The following COL21A1 variants were observed in gnomAD, a reference collection of about 807,000 sequenced individuals.
The protein encoded by COL21A1 is collagen alpha-1(XXI) chain.
A neutral mutation model predicts 137.9 loss-of-function variants in COL21A1; 149 were observed. That is an observed-to-expected ratio of 1.08 (90% CI 0.95 to 1.24). The LOEUF (loss-of-function observed/expected upper bound fraction) is 1.24. COL21A1 is among the 50% of genes most tolerant of loss of function. The pLI is 0.00. For missense variants in COL21A1, 1,167 were observed against 1,158.4 expected, an observed-to-expected ratio of 1.01 and a Z score of -0.11; for synonymous variants, 456 against 391.5, an observed-to-expected ratio of 1.16 and a Z score of -1.95.
chr6:56,359,581 C>T (rs1485989666), intron 1 of COL21A1, among the ~76,000 whole-genome samples: 1 of 152,132 alleles, frequency 6.6e-6, no homozygotes, highest in African/African-American at 2.4e-5. Flanking sequence ...ATGAGGCAAT[C>T]GGACATCTGT....
Position 56,175,408 on chromosome 6 carries a change from T to C in COL21A1, c.640+4170A>G, listed in dbSNP as rs148374856. 2.9e-3 allele frequency among the ~76,000 whole-genome samples: 445 copies of C among 151,806 alleles called. 5 individuals carry two copies. The highest frequency in any genetic ancestry group is 0.014 in the Middle Eastern group (4 of 290). On this transcript the variant is annotated intron_variant, in intron 3 of 29. Transcript: ENST00000244728. ...TAATGATTATACATAAAAGACTCCA[T>C]GCCAAAAAAAATGGTTAGAAGAAAC...
At chr6:56,292,865 T>G (rs1191795585) in intron 1 of COL21A1, among the ~76,000 whole-genome samples, 1 of 152,238 alleles carries the variant, frequency 6.6e-6, no homozygotes, top group Non-Finnish European at 1.5e-5. Flanking sequence ...TTAAGCATAA[T>G]TATTCCTGAA....
chr6:56,276,909 G>A (rs1056341780), intron 1 of COL21A1: 2 of 432,572 alleles, frequency 4.6e-6, no homozygotes, highest in African/African-American at 2.1e-5. Flanking sequence ...CCGGGTTCAC[G>A]CCATTCTACT....
In COL21A1 at chr6:56,067,289, A is replaced by G; in HGVS notation, c.2127+6T>C. 6.2e-7 allele frequency: 1 copy of G among 1,607,962 alleles called. No homozygotes were observed. Among genetic ancestry groups the G allele is most frequent in the Non-Finnish European group, 8.5e-7 (1 of 1,176,036 alleles). On this transcript the variant is annotated splice_donor_region_variant and intron_variant, in intron 23 of 29. Transcript: ENST00000244728. ...TCAGCCTACTAAAAAAAAGCAAACAACATACCTGAATACCTTTTTCACCTT... is the reference window on the plus strand; with the variant it reads ...TCAGCCTACTAAAAAAAAGCAAACAGCATACCTGAATACCTTTTTCACCTT...
chr6:56,078,483 C>A (rs1016545173), intron 17 of COL21A1, among the ~76,000 whole-genome samples: 1 of 151,522 alleles, frequency 6.6e-6, no homozygotes, highest in African/African-American at 2.4e-5. Flanking sequence ...CTTTGCAAAC[C>A]CTCTGCACTA....
chr6:56,168,784 C>T (rs1776798861), intron 5 of COL21A1, among the ~76,000 whole-genome samples: 1 of 151,858 alleles, frequency 6.6e-6, no homozygotes. Context: ...TTAATGAGGG[C>T]ATTACTCATA....
rs558228582 is a variant in COL21A1, at chr6:56,081,298, C to T, written c.1813-3725G>A. 4.0e-5 allele frequency among the ~76,000 whole-genome samples: 6 copies of T among 149,820 alleles called. No homozygotes were observed. The East Asian group carries it at 1.2e-3, about 30-fold the overall frequency. ...ACCTTGCCTTTCCCTACTTGCATTT[C>T]CAAAAATGTCCATTATATGTAGGAT... On this transcript the variant is annotated intron_variant, in intron 17 of 29. Coordinates refer to ENST00000244728, the MANE Select transcript of COL21A1 (RefSeq NM_030820.4).
At chr6:56,222,897 T>A (rs1325806586) in intron 1 of COL21A1, among the ~76,000 whole-genome samples, 1 of 152,120 alleles carries the variant, frequency 6.6e-6, no homozygotes, top group Non-Finnish European at 1.5e-5. Context: ...GGTGAGTGGA[T>A]TAATCTATGT....
intron 1 of COL21A1, among the ~76,000 whole-genome samples, chr6:56,226,627 C>T (rs1781211463): frequency 6.6e-6 from 1 of 151,980 alleles, no homozygotes; most frequent in African/African-American, 2.4e-5. Flanking sequence ...TTGAGTCACA[C>T]TGTGAAACCC....
intron 16 of COL21A1, among the ~76,000 whole-genome samples, chr6:56,121,802 C>T (rs1370231445): frequency 6.6e-6 from 1 of 151,578 alleles, no homozygotes; most frequent in African/African-American, 2.4e-5. Context: ...AAACCTAAAA[C>T]TGTTGTTAAA....
intron 1 of COL21A1, among the ~76,000 whole-genome samples, chr6:56,254,219 A>G (rs889710420): frequency 6.6e-6 from 1 of 152,212 alleles, no homozygotes; most frequent in Non-Finnish European, 1.5e-5. Context: ...TAGCTAAGAG[A>G]TGATTTCCTA....
intron 1 of COL21A1, among the ~76,000 whole-genome samples, chr6:56,209,260 A>G (rs1779996822): frequency 6.6e-6 from 1 of 152,222 alleles, no homozygotes; most frequent in Admixed American, 6.5e-5. Context: ...AAAGGCAACA[A>G]AAGCCAAAAT....
At chr6:56,289,581 G>A (rs183249125) in intron 1 of COL21A1, among the ~76,000 whole-genome samples, 1 of 152,274 alleles carries the variant, frequency 6.6e-6, no homozygotes, top group East Asian at 1.9e-4. Context: ...GTAGATATAT[G>A]TGTGTAGGAT....
In COL21A1 at chr6:56,206,689, AATAAATAAAT is replaced by A. The variant is rs1292523738; in HGVS notation, c.-38-24043_-38-24034del. Among the ~76,000 whole-genome samples, 10 of 22,220 alleles carry A rather than the reference AATAAATAAAT, an allele frequency of 4.5e-4. No individual in the cohort carries two copies. In the South Asian group the frequency reaches 8.9e-3, roughly 20 times the overall value. The allele number at this position is 22,220 out of a possible 152,430, so 14.6% of individuals were successfully genotyped here. On this transcript the variant is annotated intron_variant, in intron 1 of 29. Coordinates refer to ENST00000244728, the MANE Select transcript of COL21A1 (RefSeq NM_030820.4). ...CCACCCCAATTCAACAAAATAAATA[AATAAATAAAT>A]ATATATATATATATATATATATATA...
At chr6:56,123,058 T>G (rs1368835945) in intron 16 of COL21A1, among the ~76,000 whole-genome samples, 1 of 152,230 alleles carries the variant, frequency 6.6e-6, no homozygotes, top group African/African-American at 2.4e-5. Flanking sequence ...AATGAATGCT[T>G]AGGTTGCAGG....
At position 56,190,373 on chromosome 6, in the gene COL21A1, C is replaced by T. The variant is rs547679429; in HGVS notation, c.-38-7717G>A. ...GGATAAATTCCTGGACACATACACC[C>T]TCCCACGTCTAAACCAGGAAAAAGT... is the stretch of plus-strand genomic sequence containing the variant. On this transcript the variant is annotated intron_variant, in intron 1 of 29. Transcript: ENST00000244728. Among the ~76,000 whole-genome samples, 3 of 152,270 alleles carry T rather than the reference C, an allele frequency of 2.0e-5. No homozygotes were observed. The South Asian group carries it at 6.2e-4, about 32-fold the overall frequency.
At chr6:56,337,872 T>G (rs1022047286) in intron 1 of COL21A1, among the ~76,000 whole-genome samples, 4 of 152,174 alleles carry the variant, frequency 2.6e-5, no homozygotes, top group Non-Finnish European at 5.9e-5. Flanking sequence ...AAAACATAGT[T>G]TCACATTCAC....
chr6:56,302,377 C>G (rs964243289), intron 1 of COL21A1, among the ~76,000 whole-genome samples: 2 of 152,062 alleles, frequency 1.3e-5, no homozygotes, highest in African/African-American at 4.8e-5. Context: ...TCTCCACATC[C>G]TCTCCAGCAC....
intron 1 of COL21A1, among the ~76,000 whole-genome samples, chr6:56,393,022 G>A: frequency 7.0e-6 from 1 of 142,428 alleles, no homozygotes; most frequent in Non-Finnish European, 1.5e-5. Context: ...CACCACAAAA[G>A]ACCCAGGATA....
Sources: gnomAD v4.1 joint callset for allele counts (sites outside exome capture counted in the v4.1 genomes callset) on GRCh38, gnomAD v4.1.1 for gene constraint, MANE v1.5 for transcripts, NCBI Gene and HGNC (gene_info 2026-07-23, HGNC 2026-07-21) for gene names.